The following SDK1 variants were observed in gnomAD, a reference collection of about 807,000 sequenced individuals.
SDK1 encodes sidekick cell adhesion molecule 1, also known as protein sidekick-1.
In SDK1, 157 loss-of-function variants were observed where a neutral mutation model predicts 245.5. That is an observed-to-expected ratio of 0.64 (90% CI 0.56 to 0.73). The LOEUF is 0.73. Ranked by LOEUF, SDK1 falls within the 30% of genes least tolerant of loss-of-function variation. The pLI is 0.00. For synonymous variants in SDK1, 1,647 were observed against 1,278.5 expected (o/e 1.29, Z -6.15); for missense variants, 3,583 against 3,002.3 (o/e 1.19, Z -4.52).
chr7:4,003,897 GCT>G (rs1785263197), intron 14 of SDK1, among the ~76,000 whole-genome samples: 1 of 152,214 alleles, frequency 6.6e-6, no homozygotes, highest in African/African-American at 2.4e-5. Context: ...CGCGGGCATT[GCT>G]CCAAGACAAG....
intron 1 of SDK1, among the ~76,000 whole-genome samples, chr7:3,522,468 C>T (rs1021512342): frequency 3.3e-5 from 5 of 152,130 alleles, no homozygotes; most frequent in Admixed American, 1.3e-4. Context: ...AAATAACTCA[C>T]GTACATGGCA....
At chr7:3,753,301 A>G (rs1260841959) in intron 4 of SDK1, among the ~76,000 whole-genome samples, 5 of 152,246 alleles carry the variant, frequency 3.3e-5, no homozygotes, top group Admixed American at 6.5e-5. Context: ...AAAGCCATTA[A>G]TTCCTTACTG....
At chr7:3,696,498 C>T (rs1404865053) in intron 4 of SDK1, among the ~76,000 whole-genome samples, 1 of 151,892 alleles carries the variant, frequency 6.6e-6, no homozygotes, top group African/African-American at 2.4e-5. Context: ...CATCTGAGCC[C>T]AGGATTTGGT....
At chr7:3,824,201 C>G (rs1481962635) in intron 5 of SDK1, among the ~76,000 whole-genome samples, 1 of 152,052 alleles carries the variant, frequency 6.6e-6, no homozygotes, top group Non-Finnish European at 1.5e-5. Context: ...TTCTCAAGAC[C>G]TATTGATACT....
chr7:4,043,643 G>A (rs746475619), intron 17 of SDK1, among the ~76,000 whole-genome samples: 7 of 152,230 alleles, frequency 4.6e-5, no homozygotes, highest in African/African-American at 7.2e-5. Flanking sequence ...AGAACTTGAC[G>A]TGAGGATTGT....
At chr7:3,636,481 G>A (rs1782460469) in intron 2 of SDK1, among the ~76,000 whole-genome samples, 2 of 152,098 alleles carry the variant, frequency 1.3e-5, no homozygotes, top group Admixed American at 6.6e-5. Context: ...TCTGTGTCTG[G>A]TTTACTTCAC....
At chr7:4,259,463 C>T (rs1779865005) in intron 44 of SDK1, among the ~76,000 whole-genome samples, 1 of 152,110 alleles carries the variant, frequency 6.6e-6, no homozygotes, top group African/African-American at 2.4e-5. Context: ...TCTTAAACAG[C>T]CACAAATACA....
chr7:3,401,165 T>TA (rs1171578436), intron 1 of SDK1, among the ~76,000 whole-genome samples: 1 of 152,316 alleles, frequency 6.6e-6, no homozygotes, highest in African/African-American at 2.4e-5. Flanking sequence ...CTTCACTTAC[T>TA]AAAATCCATA....
At chr7:3,496,134 G>T (rs781403330) in intron 1 of SDK1, among the ~76,000 whole-genome samples, 1 of 152,144 alleles carries the variant, frequency 6.6e-6, no homozygotes, top group African/African-American at 2.4e-5. Context: ...CTCTGGTGCT[G>T]AGCAGCTGTA....
chr7:3,772,247 TTC>T (rs1329675688), intron 4 of SDK1, among the ~76,000 whole-genome samples: 1 of 152,182 alleles, frequency 6.6e-6, no homozygotes, highest in East Asian at 1.9e-4. Flanking sequence ...TTGAATTTTT[TTC>T]TTTTTTTTTT....
intron 19 of SDK1, among the ~76,000 whole-genome samples, chr7:4,066,155 C>A (rs1402936778): frequency 6.6e-6 from 1 of 152,116 alleles, no homozygotes; most frequent in Non-Finnish European, 1.5e-5. Flanking sequence ...CCCTTTTCCC[C>A]GGTTCTGCCT....
chr7:4,059,004 A>G (rs1181148058), intron 19 of SDK1, among the ~76,000 whole-genome samples: 1 of 152,214 alleles, frequency 6.6e-6, no homozygotes, highest in African/African-American at 2.4e-5. Flanking sequence ...AAAATAAACA[A>G]TGAGAGAGAA....
chr7:4,186,697 G>C (rs2128221437), intron 35 of SDK1, among the ~76,000 whole-genome samples: 1 of 152,244 alleles, frequency 6.6e-6, no homozygotes, highest in East Asian at 1.9e-4. Flanking sequence ...CAGCTTCCTA[G>C]GGAGAGACCA....
At chr7:3,954,857 A>G (rs184094424) in intron 7 of SDK1, among the ~76,000 whole-genome samples, 3 of 151,980 alleles carry the variant, frequency 2.0e-5, no homozygotes, top group East Asian at 4.0e-4. Flanking sequence ...ATTATCCTAT[A>G]TGTCCCATTG....
intron 4 of SDK1, among the ~76,000 whole-genome samples, chr7:3,803,823 G>C (rs1447380071): frequency 1.4e-5 from 2 of 147,942 alleles, no homozygotes; most frequent in African/African-American, 5.0e-5. Flanking sequence ...GGAATGCAGT[G>C]GCATGATCTC....
At position 4,174,343 on chromosome 7, in the gene SDK1, A is replaced by G. The variant is rs671694; in HGVS notation, c.4922A>G (p.His1641Arg). The G allele has an allele frequency of 0.73, 1,184,362 of 1,611,904 alleles. 438,072 individuals carry two copies. The highest frequency in any genetic ancestry group is 0.95 in the African/African-American group (71,235 of 75,014). The change falls in exon 33 of 45, where the codon CAT becomes CGT. Residue 1641 changes from histidine to arginine, a missense_variant. Coordinates refer to ENST00000404826, the MANE Select transcript of SDK1 (RefSeq NM_152744.4). Reference protein sequence around the residue: ...AKTLKNPIALHAELTAQSSFK... With the variant: ...AKTLKNPIALRAELTAQSSFK... ...ACGCTCAAAAACCCTATAGCTTTAC[A>G]TGCTGAGCTCACAGGTGAGACTGTC...
intron 19 of SDK1, among the ~76,000 whole-genome samples, chr7:4,061,036 A>T (rs1249007508): frequency 1.3e-5 from 2 of 152,234 alleles, no homozygotes; most frequent in Admixed American, 6.5e-5. Context: ...GCTGTTTTGG[A>T]TACTGGAGCC....
chr7:3,484,303 C>G (rs1176701889), intron 1 of SDK1, among the ~76,000 whole-genome samples: 2 of 152,000 alleles, frequency 1.3e-5, no homozygotes, highest in Admixed American at 6.6e-5. Flanking sequence ...TTTTTTTCAA[C>G]CAAACATAGA....
chr7:3,654,855 G>A (rs1447397071), intron 4 of SDK1, among the ~76,000 whole-genome samples: 2 of 152,194 alleles, frequency 1.3e-5, no homozygotes, highest in South Asian at 2.1e-4. Flanking sequence ...TTTCACATGA[G>A]CATATCTTGT....
Sources: allele counts gnomAD v4.1 joint callset (sites outside exome capture counted in the v4.1 genomes callset), GRCh38; gene constraint gnomAD v4.1.1; transcripts MANE v1.5; gene names NCBI Gene and HGNC (gene_info 2026-07-23, HGNC 2026-07-21).